Variants in SGCZ observed in about 807,000 individuals in gnomAD.
SGCZ encodes zeta-sarcoglycan.
A neutral mutation model predicts 41.3 loss-of-function variants in SGCZ; 40 were observed. The observed-to-expected ratio is 0.97, with a 90% confidence interval of 0.75 to 1.26. The LOEUF (loss-of-function observed/expected upper bound fraction) is 1.26, where lower values mean the gene tolerates loss of function less well. SGCZ is among the 50% of genes most tolerant of loss of function. The pLI is 0.00. For synonymous variants in SGCZ, 206 were observed against 137.5 expected, an observed-to-expected ratio of 1.50 and a Z score of -3.49; for missense variants, 552 against 369.8, an observed-to-expected ratio of 1.49 and a Z score of -4.04.
At chr8:15,155,217 C>A (rs921278556) in intron 1 of SGCZ, among the ~76,000 whole-genome samples, 1 of 152,246 alleles carries the variant, frequency 6.6e-6, no homozygotes, top group African/African-American at 2.4e-5. Context: ...ATGGCTTGAG[C>A]CCGGGAGGCA....
chr8:14,855,047 TTTTA>T (rs755424757), intron 1 of SGCZ, among the ~76,000 whole-genome samples: 4 of 151,288 alleles, frequency 2.6e-5, no homozygotes, highest in Admixed American at 2.0e-4. Flanking sequence ...ATCTCCATTA[TTTTA>T]TTTATTTATT....
intron 1 of SGCZ, among the ~76,000 whole-genome samples, chr8:14,769,754 C>G (rs1360570328): frequency 1.4e-5 from 2 of 141,778 alleles, no homozygotes; most frequent in Non-Finnish European, 3.0e-5. Flanking sequence ...AAGATCGTGC[C>G]ATTGCACTCC....
intron 3 of SGCZ, among the ~76,000 whole-genome samples, chr8:14,313,663 C>T (rs1030606017): frequency 6.6e-6 from 1 of 152,108 alleles, no homozygotes; most frequent in Non-Finnish European, 1.5e-5. Context: ...CACTGGATGA[C>T]ACTGTTATAT....
intron 4 of SGCZ, among the ~76,000 whole-genome samples, chr8:14,189,612 G>T (rs1011862795): frequency 1.3e-5 from 2 of 152,142 alleles, no homozygotes; most frequent in African/African-American, 4.8e-5. Context: ...CGTCTGCTCA[G>T]AGAGCTCAGC....
intron 1 of SGCZ, among the ~76,000 whole-genome samples, chr8:14,976,015 T>C (rs866925341): frequency 7.0e-5 from 10 of 142,212 alleles, no homozygotes; most frequent in East Asian, 2.0e-4. Context: ...TATATATATA[T>C]ACACATATAT....
intron 1 of SGCZ, among the ~76,000 whole-genome samples, chr8:15,001,305 T>G (rs1183073390): frequency 6.6e-6 from 1 of 152,358 alleles, no homozygotes; most frequent in African/African-American, 2.4e-5. Flanking sequence ...TAGACTCATC[T>G]TTCTGCGGCT....
At chr8:15,027,074 T>C (rs1388584673) in intron 1 of SGCZ, among the ~76,000 whole-genome samples, 1 of 152,212 alleles carries the variant, frequency 6.6e-6, no homozygotes, top group East Asian at 1.9e-4. Context: ...GCCTAACACA[T>C]ACTGGCTATA....
chr8:14,397,252 A>T (rs1010311731), intron 2 of SGCZ, among the ~76,000 whole-genome samples: 4 of 152,144 alleles, frequency 2.6e-5, no homozygotes, highest in African/African-American at 9.7e-5. Flanking sequence ...TAATTTTTGT[A>T]AATTTGATAA....
At chr8:14,539,312 C>T (rs1315686498) in intron 2 of SGCZ, among the ~76,000 whole-genome samples, 1 of 151,902 alleles carries the variant, frequency 6.6e-6, no homozygotes, top group African/African-American at 2.4e-5. Context: ...TTTCTATATA[C>T]ATCCTATTGC....
At chr8:15,063,570 G>A (rs889499942) in intron 1 of SGCZ, among the ~76,000 whole-genome samples, 4 of 152,088 alleles carry the variant, frequency 2.6e-5, no homozygotes, top group Non-Finnish European at 5.9e-5. Context: ...CTCTTTCAAA[G>A]TGCAGATCTC....
At chr8:14,092,142 A>G (rs1035732387) in intron 7 of SGCZ, among the ~76,000 whole-genome samples, 36 of 151,954 alleles carry the variant, frequency 2.4e-4, no homozygotes, top group African/African-American at 8.7e-4. Flanking sequence ...ATCTAGTGTT[A>G]TTGCTGAGGC....
chr8:14,646,068 T>C (rs1295473388), intron 1 of SGCZ, among the ~76,000 whole-genome samples: 1 of 151,904 alleles, frequency 6.6e-6, no homozygotes, highest in Non-Finnish European at 1.5e-5. Context: ...GAATTTTAAC[T>C]TTTATTTTAG....
chr8:14,143,572 G>A (rs550120940), intron 5 of SGCZ, among the ~76,000 whole-genome samples: 10 of 152,258 alleles, frequency 6.6e-5, no homozygotes, highest in African/African-American at 2.4e-4. Flanking sequence ...ATTGGAGGTA[G>A]AGCAAGATAG....
chr8:15,082,212 T>G (rs1031288419), intron 1 of SGCZ, among the ~76,000 whole-genome samples: 1 of 151,782 alleles, frequency 6.6e-6, no homozygotes, highest in African/African-American at 2.4e-5. Context: ...CTGGGCAACA[T>G]AGCGAGACTC....
chr8:15,067,082 T>C (rs1233842537), intron 1 of SGCZ, among the ~76,000 whole-genome samples: 4 of 152,226 alleles, frequency 2.6e-5, no homozygotes, highest in African/African-American at 9.6e-5. Flanking sequence ...AAAATACCTA[T>C]GTAGATGATT....
At chr8:15,221,253 G>T (rs1403673912) in intron 1 of SGCZ, among the ~76,000 whole-genome samples, 2 of 152,120 alleles carry the variant, frequency 1.3e-5, no homozygotes, top group Non-Finnish European at 2.9e-5. Flanking sequence ...GCGAAGAAGG[G>T]TGTATTAAAA....
At position 14,659,815 on chromosome 8, in the gene SGCZ, G is replaced by A. The variant is rs954208147; in HGVS notation, c.40-104889C>T. Reference sequence around the variant, plus strand: ...TACCTCACAGTGAGATTTGGAAATAGGATACCTGCATGTGTACTATTTCAA... The same window carrying A: ...TACCTCACAGTGAGATTTGGAAATAAGATACCTGCATGTGTACTATTTCAA... On this transcript the variant is annotated intron_variant, in intron 1 of 7. Transcript: ENST00000382080. 2.4e-4 allele frequency among the ~76,000 whole-genome samples: 37 copies of A among 152,124 alleles called. 1 individual carries two copies. The highest frequency in any genetic ancestry group is 1.2e-4 in the Non-Finnish European group (8 of 68,030).
intron 1 of SGCZ, among the ~76,000 whole-genome samples, chr8:15,195,877 T>G (rs1034004820): frequency 2.9e-4 from 44 of 150,002 alleles, no homozygotes; most frequent in Non-Finnish European, 1.2e-4. Flanking sequence ...GTTTTATACA[T>G]CCTTAGGCTT....
At chr8:14,270,360 C>G (rs1217815992) in intron 3 of SGCZ, among the ~76,000 whole-genome samples, 1 of 151,802 alleles carries the variant, frequency 6.6e-6, no homozygotes, top group Non-Finnish European at 1.5e-5. Context: ...AAAATTAAAT[C>G]TAAACGATAT....
Sources: allele counts gnomAD v4.1 joint callset (sites outside exome capture counted in the v4.1 genomes callset), GRCh38; gene constraint gnomAD v4.1.1; transcripts MANE v1.5; gene names NCBI Gene and HGNC (gene_info 2026-07-23, HGNC 2026-07-21).